The following RGL1 variants were observed in gnomAD, a reference collection of about 807,000 sequenced individuals.
RGL1 encodes ral guanine nucleotide dissociation stimulator-like 1.
A neutral mutation model predicts 95.2 loss-of-function variants in RGL1; 24 were observed. The ratio of observed to expected loss-of-function variants is 0.25; its 90% CI spans 0.18 to 0.35. The LOEUF (loss-of-function observed/expected upper bound fraction) is 0.35. Ranked by LOEUF, RGL1 falls within the 10% of genes least tolerant of loss-of-function variation. RGL1 has a pLI of 1.00. For missense variants in RGL1, 715 were observed against 936.3 expected (o/e 0.76, Z 3.08); for synonymous variants, 329 against 344.9 (o/e 0.95, Z 0.51).
intron 2 of RGL1, among the ~76,000 whole-genome samples, chr1:183,837,250 A>T (rs1004101415): frequency 8.5e-5 from 13 of 152,192 alleles, no homozygotes; most frequent in Admixed American, 7.9e-4. Flanking sequence ...AAGCCTCTCC[A>T]TTCATAGCAG....
chr1:183,901,623 C>T (rs184793707), intron 11 of RGL1, among the ~76,000 whole-genome samples: 1 of 152,250 alleles, frequency 6.6e-6, no homozygotes, highest in East Asian at 1.9e-4. Flanking sequence ...TTTTGTATTG[C>T]TGCCTGCTGT....
intron 1 of RGL1, among the ~76,000 whole-genome samples, chr1:183,656,214 A>T (rs1408333596): frequency 6.6e-6 from 1 of 151,640 alleles, no homozygotes; most frequent in African/African-American, 2.4e-5. Context: ...TTCCCACCTT[A>T]AAAACCAACT....
intron 2 of RGL1, among the ~76,000 whole-genome samples, chr1:183,757,664 T>G (rs1419109295): frequency 6.6e-6 from 1 of 152,220 alleles, no homozygotes; most frequent in Admixed American, 6.5e-5. Flanking sequence ...GAAAATATCA[T>G]TTATTGAGCA....
intron 7 of RGL1, among the ~76,000 whole-genome samples, chr1:183,887,733 T>C (rs1247504791): frequency 6.6e-6 from 1 of 152,200 alleles, no homozygotes; most frequent in Non-Finnish European, 1.5e-5. Context: ...TTATGGTAGC[T>C]TAAGTTTAAA....
intron 2 of RGL1, among the ~76,000 whole-genome samples, chr1:183,756,273 A>C (rs1327699048): frequency 1.3e-5 from 2 of 151,946 alleles, no homozygotes; most frequent in African/African-American, 4.8e-5. Context: ...GTTCGCTTAA[A>C]GGAAAGGTAG....
At chr1:183,648,728 T>C (rs746814359) in intron 1 of RGL1, 3 of 1,613,980 alleles carry the variant, frequency 1.9e-6, no homozygotes, top group Non-Finnish European at 1.7e-6. Context: ...GCCAGTAATA[T>C]GGTTTTACTA....
intron 16 of RGL1, among the ~76,000 whole-genome samples, chr1:183,918,148 A>G (rs551517761): frequency 3.9e-5 from 6 of 152,172 alleles, no homozygotes; most frequent in Non-Finnish European, 8.8e-5. Flanking sequence ...ATATTCAGGG[A>G]CATTTAAATC....
At chr1:183,889,398 A>G (rs1667290211) in intron 8 of RGL1, among the ~76,000 whole-genome samples, 1 of 152,190 alleles carries the variant, frequency 6.6e-6, no homozygotes, top group East Asian at 1.9e-4. Flanking sequence ...TAAATTCTGT[A>G]TGGTCTATAC....
At chr1:183,643,242 A>G (rs576391082) in intron 1 of RGL1, among the ~76,000 whole-genome samples, 5 of 151,258 alleles carry the variant, frequency 3.3e-5, no homozygotes, top group Non-Finnish European at 7.4e-5. Context: ...GTGTAGAACT[A>G]TCTCTTTGAG....
At chr1:183,708,788 G>C (rs1655078097) in intron 1 of RGL1, among the ~76,000 whole-genome samples, 1 of 152,244 alleles carries the variant, frequency 6.6e-6, no homozygotes, top group South Asian at 2.1e-4. Context: ...TGGTGTGCAT[G>C]CACAGAGAGG....
chr1:183,778,542 T>C (rs1480462328), intron 2 of RGL1, among the ~76,000 whole-genome samples: 1 of 152,228 alleles, frequency 6.6e-6, no homozygotes, highest in Non-Finnish European at 1.5e-5. Context: ...TTTTATATGA[T>C]ATGTTTCTGT....
At chr1:183,725,002 G>GGA (rs1656229870) in intron 1 of RGL1, among the ~76,000 whole-genome samples, 6 of 151,862 alleles carry the variant, frequency 4.0e-5, no homozygotes, top group Admixed American at 3.9e-4. Flanking sequence ...AGGAGGAGGA[G>GGA]GAGAGAGAAA....
intron 2 of RGL1, among the ~76,000 whole-genome samples, chr1:183,781,355 C>G (rs1057352428): frequency 1.3e-5 from 2 of 152,190 alleles, no homozygotes; most frequent in Non-Finnish European, 2.9e-5. Context: ...CTGCTAAGAA[C>G]TCTCTTTTTC....
chr1:183,692,558 A>G (rs1654008732), intron 1 of RGL1, among the ~76,000 whole-genome samples: 1 of 152,266 alleles, frequency 6.6e-6, no homozygotes, highest in South Asian at 2.1e-4. Context: ...ATTAAAAGTC[A>G]TGGTTCAGGT....
intron 2 of RGL1, among the ~76,000 whole-genome samples, chr1:183,807,479 G>T (rs559434356): frequency 6.6e-6 from 1 of 152,222 alleles, no homozygotes; most frequent in Non-Finnish European, 1.5e-5. Context: ...GCATTCAAAG[G>T]TGGAGTGTGA....
At chr1:183,790,529 C>A (rs1572414744) in intron 2 of RGL1, among the ~76,000 whole-genome samples, 1 of 152,100 alleles carries the variant, frequency 6.6e-6, no homozygotes, top group Admixed American at 6.5e-5. Context: ...ATAACTTAGC[C>A]TTAGTTGGGT....
At position 183,806,501 on chromosome 1, in the gene RGL1, G is replaced by A. The variant is rs373516024; in HGVS notation, c.138+16G>A. 237 of 1,563,802 alleles carry A rather than the reference G, an allele frequency of 1.5e-4. No homozygotes were observed. In the African/African-American group the frequency reaches 1.8e-3, roughly 12 times the overall value. ...ATGGCTAGGGGTGAGTAAAGCTGGC[G>A]AGATGGTGAACTTTGGAATTTCAGT... On this transcript the variant is annotated intron_variant, in intron 2 of 17. Transcript: ENST00000360851.
intron 12 of RGL1, among the ~76,000 whole-genome samples, chr1:183,904,442 T>A (rs1029795922): frequency 1.2e-4 from 18 of 152,184 alleles, no homozygotes; most frequent in Admixed American, 5.9e-4. Flanking sequence ...TTCTTTTTTT[T>A]AAGAAATATG....
intron 1 of RGL1, chr1:183,709,997 G>A (rs1655163486): frequency 6.4e-6 from 1 of 157,414 alleles, no homozygotes; most frequent in Non-Finnish European, 1.4e-5. Flanking sequence ...CTTAAAGCCA[G>A]GCCAGACATG....
Sources: allele counts gnomAD v4.1 joint callset (sites outside exome capture counted in the v4.1 genomes callset), GRCh38; gene constraint gnomAD v4.1.1; transcripts MANE v1.5; gene names NCBI Gene and HGNC (gene_info 2026-07-23, HGNC 2026-07-21).